NSMCE2: variants seen among roughly 807,000 people sequenced by gnomAD.
NSMCE2 encodes E3 SUMO-protein ligase NSE2.
Under a neutral mutation model 23.8 loss-of-function variants are expected in NSMCE2, and 24 were observed. That is an observed-to-expected ratio of 1.01 (90% confidence interval 0.73 to 1.42). NSMCE2 has a LOEUF of 1.42. Ranked by LOEUF, NSMCE2 falls within the 40% of genes most tolerant of loss-of-function variation. The probability of loss-of-function intolerance (pLI) is 0.00; values close to 1 mark genes in which losing one functional copy is unlikely to be tolerated. For synonymous variants in NSMCE2, 92 were observed against 94.1 expected, an observed-to-expected ratio of 0.98 and a Z score of 0.13; for missense variants, 284 against 296.5, an observed-to-expected ratio of 0.96 and a Z score of 0.31.
chr8:125,096,843 T>C (rs1817960494), intron 1 of NSMCE2, among the ~76,000 whole-genome samples: 1 of 151,966 alleles, frequency 6.6e-6, no homozygotes, highest in South Asian at 2.1e-4. Context: ...ACTCCTGACC[T>C]CGAGTGATCA....
At position 125,254,198 on chromosome 8, in the gene NSMCE2, ACT is replaced by A. The variant is rs376788258; in HGVS notation, c.418+71945_418+71946del. ...CAAACTCTAATATCTCTATTGAAAC[ACT>A]CTGTGTTTCAGTCGTGTTTGAAGAT... On this transcript the variant is annotated intron_variant, in intron 5 of 7. Coordinates refer to ENST00000287437, the MANE Select transcript of NSMCE2 (RefSeq NM_173685.4). 9.9e-5 allele frequency among the ~76,000 whole-genome samples: 15 copies of A among 152,112 alleles called. No homozygotes were observed. In the South Asian group the frequency reaches 1.5e-3, roughly 15 times the overall value.
chr8:125,314,517 CCT>C (rs1219819697), intron 5 of NSMCE2, among the ~76,000 whole-genome samples: 1 of 152,182 alleles, frequency 6.6e-6, no homozygotes, highest in Non-Finnish European at 1.5e-5. Flanking sequence ...GTCTCGAACT[CCT>C]GACTTCGTGA....
intron 5 of NSMCE2, among the ~76,000 whole-genome samples, chr8:125,304,233 G>T (rs1463438902): frequency 6.6e-6 from 1 of 152,132 alleles, no homozygotes; most frequent in Non-Finnish European, 1.5e-5. Flanking sequence ...CATTTCATTT[G>T]CATTGTTGTG....
In NSMCE2 at chr8:125,330,972, CAT is replaced by C. The variant is rs746594029; in HGVS notation, c.419-26246_419-26245del. Among the ~76,000 whole-genome samples, 188 of 152,270 alleles carry C rather than the reference CAT, an allele frequency of 1.2e-3. 2 individuals carry two copies. In the Middle Eastern group the frequency reaches 0.034, roughly 28 times the overall value. ...TTTGTGTTACCACCTCTTTCACACA[CAT>C]GATGTGAAAAAGGTGGTATTGTGTC... On this transcript the variant is annotated intron_variant, in intron 5 of 7. Coordinates refer to ENST00000287437, the MANE Select transcript of NSMCE2 (RefSeq NM_173685.4).
At chr8:125,283,879 C>A (rs141657518) in intron 5 of NSMCE2, among the ~76,000 whole-genome samples, 1 of 152,074 alleles carries the variant, frequency 6.6e-6, no homozygotes, top group Non-Finnish European at 1.5e-5. Context: ...GTAGGCCGGG[C>A]GCAGTGGCTC....
At chr8:125,343,955 G>A (rs571981704) in intron 5 of NSMCE2, among the ~76,000 whole-genome samples, 8 of 152,276 alleles carry the variant, frequency 5.3e-5, no homozygotes, top group African/African-American at 1.9e-4. Context: ...GCAGTGAGCC[G>A]AGATCGCGCC....
intron 3 of NSMCE2, among the ~76,000 whole-genome samples, chr8:125,136,203 G>A (rs1388287496): frequency 6.6e-6 from 1 of 152,146 alleles, no homozygotes; most frequent in African/African-American, 2.4e-5. Context: ...TGATAAACAG[G>A]AGAGTAACAC....
At chr8:125,299,300 CTA>C (rs1828457389) in intron 5 of NSMCE2, among the ~76,000 whole-genome samples, 2 of 152,104 alleles carry the variant, frequency 1.3e-5, no homozygotes, top group South Asian at 2.1e-4. Context: ...AAGGAGCACT[CTA>C]TTCGTTTCTT....
At chr8:125,210,693 CT>C (rs1824292590) in intron 5 of NSMCE2, among the ~76,000 whole-genome samples, 1 of 152,044 alleles carries the variant, frequency 6.6e-6, no homozygotes, top group Non-Finnish European at 1.5e-5. Flanking sequence ...CTAGCCATCT[CT>C]TCCCCAGGTT....
At chr8:125,118,322 A>G (rs986812671) in intron 3 of NSMCE2, among the ~76,000 whole-genome samples, 1 of 152,100 alleles carries the variant, frequency 6.6e-6, no homozygotes, top group Non-Finnish European at 1.5e-5. Context: ...CAGAGGTTGC[A>G]GTGAGCCGAG....
intron 5 of NSMCE2, among the ~76,000 whole-genome samples, chr8:125,200,032 C>T (rs1317294255): frequency 2.0e-5 from 3 of 152,130 alleles, no homozygotes; most frequent in African/African-American, 7.2e-5. Context: ...CTTGATAGAT[C>T]TTCCTCCATC....
At chr8:125,219,166 G>T (rs1273334269) in intron 5 of NSMCE2, among the ~76,000 whole-genome samples, 1 of 152,176 alleles carries the variant, frequency 6.6e-6, no homozygotes, top group Non-Finnish European at 1.5e-5. Context: ...GCTATTTGGG[G>T]TCTGGGGAGG....
chr8:125,209,504 G>T (rs1260336265), intron 5 of NSMCE2, among the ~76,000 whole-genome samples: 1 of 152,112 alleles, frequency 6.6e-6, no homozygotes, highest in Non-Finnish European at 1.5e-5. Context: ...ATTTTATTTA[G>T]TGCTAATTGA....
At chr8:125,144,242 G>C (rs1332037600) in intron 3 of NSMCE2, among the ~76,000 whole-genome samples, 2 of 152,172 alleles carry the variant, frequency 1.3e-5, no homozygotes, top group African/African-American at 4.8e-5. Context: ...CTATAGGGCA[G>C]CTGTGGTTAG....
intron 1 of NSMCE2, among the ~76,000 whole-genome samples, chr8:125,098,904 A>G (rs1035571482): frequency 1.3e-5 from 2 of 152,130 alleles, no homozygotes; most frequent in Admixed American, 1.3e-4. Flanking sequence ...AGTTGGGAAC[A>G]CTAGGTGGAT....
intron 5 of NSMCE2, among the ~76,000 whole-genome samples, chr8:125,232,770 T>A (rs1412442248): frequency 6.6e-6 from 1 of 152,178 alleles, no homozygotes; most frequent in African/African-American, 2.4e-5. Flanking sequence ...CTTCTTCTTG[T>A]TTTTTTAACC....
At position 125,151,317 on chromosome 8, in the gene NSMCE2, A is replaced by G. The variant is rs201152108; in HGVS notation, c.264+40A>G. The stretch of plus-strand genomic sequence containing the variant: ...CTCCCTGGTTATATATTTGGTTACA[A>G]CTCACTGACCGAGAAGTAGAAACAC... On this transcript the variant is annotated intron_variant, in intron 4 of 7. Coordinates refer to ENST00000287437, the MANE Select transcript of NSMCE2 (RefSeq NM_173685.4). The G allele has an allele frequency of 4.9e-5, 50 of 1,021,546 alleles. No homozygotes were observed. The East Asian group carries it at 1.2e-3, about 25-fold the overall frequency. The allele number at this position is 1,021,546 out of a possible 1,614,324, so 63.3% of individuals were successfully genotyped here.
chr8:125,338,277 T>C (rs1489323981), intron 5 of NSMCE2, among the ~76,000 whole-genome samples: 1 of 90,886 alleles, frequency 1.1e-5, no homozygotes. Context: ...TACCTAGATG[T>C]TGGGTGGAAA....
intron 5 of NSMCE2, among the ~76,000 whole-genome samples, chr8:125,185,519 C>T (rs374762244): frequency 1.3e-3 from 198 of 152,096 alleles, no homozygotes; most frequent in African/African-American, 4.3e-3. Context: ...TTGGCCAGGC[C>T]GGTCTTGAAC....
Sources: gnomAD v4.1 joint callset for allele counts (sites outside exome capture counted in the v4.1 genomes callset) on GRCh38, gnomAD v4.1.1 for gene constraint, MANE v1.5 for transcripts, NCBI Gene and HGNC (gene_info 2026-07-23, HGNC 2026-07-21) for gene names.